Variants in RALGAPA1 observed in about 807,000 individuals in gnomAD.
RALGAPA1 encodes the protein Ral GTPase activating protein catalytic subunit alpha 1, also known as ral GTPase-activating protein subunit alpha-1.
RALGAPA1 carries 52 observed loss-of-function variants against 269.6 expected under a neutral mutation model. The observed-to-expected ratio is 0.19, with a 90% CI of 0.15 to 0.24. The LOEUF is 0.24. Ranked by LOEUF, RALGAPA1 falls within the 10% of genes least tolerant of loss-of-function variation. The pLI is 1.00. For missense variants in RALGAPA1, 1,917 were observed against 3,013.9 expected, an observed-to-expected ratio of 0.64 and a Z score of 8.52; for synonymous variants, 817 against 1,008.3, an observed-to-expected ratio of 0.81 and a Z score of 3.60.
intron 12 of RALGAPA1, among the ~76,000 whole-genome samples, chr14:35,737,023 G>C (rs8009317): frequency 9.6e-5 from 14 of 145,968 alleles, no homozygotes; most frequent in African/African-American, 1.3e-4. Context: ...GTGACAGACC[G>C]AGGCTCCATC....
chr14:35,593,252 C>A (rs972491955), intron 37 of RALGAPA1, among the ~76,000 whole-genome samples: 1 of 151,822 alleles, frequency 6.6e-6, no homozygotes, highest in Non-Finnish European at 1.5e-5. Flanking sequence ...ATTTATGATA[C>A]CATAAACATA....
chr14:35,644,562 G>A (rs1214603364), intron 31 of RALGAPA1, among the ~76,000 whole-genome samples: 1 of 152,100 alleles, frequency 6.6e-6, no homozygotes, highest in East Asian at 1.9e-4. Context: ...GTAAAGACAA[G>A]CACTCTTAAC....
chr14:35,787,378 C>A (rs773982112), intron 1 of RALGAPA1, among the ~76,000 whole-genome samples: 12 of 152,150 alleles, frequency 7.9e-5, no homozygotes, highest in Non-Finnish European at 1.3e-4. Flanking sequence ...GGGAAGACGA[C>A]TGGGAACCTT....
At chr14:35,650,329 G>A (rs1359786031) in intron 31 of RALGAPA1, among the ~76,000 whole-genome samples, 1 of 152,052 alleles carries the variant, frequency 6.6e-6, no homozygotes, top group African/African-American at 2.4e-5. Flanking sequence ...AGGTTGCAGT[G>A]AGCCGAGACT....
intron 31 of RALGAPA1, among the ~76,000 whole-genome samples, chr14:35,647,714 A>G (rs549345880): frequency 6.6e-6 from 1 of 152,272 alleles, no homozygotes; most frequent in Non-Finnish European, 1.5e-5. Flanking sequence ...GCACTTTGGG[A>G]GGTCCAGGCA....
At chr14:35,747,126 C>A (rs1040995166) in intron 10 of RALGAPA1, among the ~76,000 whole-genome samples, 1 of 151,916 alleles carries the variant, frequency 6.6e-6, no homozygotes, top group Non-Finnish European at 1.5e-5. Flanking sequence ...CCAGCCTGGA[C>A]AACAGAGCAA....
At chr14:35,718,915 C>T (rs1036141748) in intron 16 of RALGAPA1, among the ~76,000 whole-genome samples, 1 of 151,008 alleles carries the variant, frequency 6.6e-6, no homozygotes, top group Non-Finnish European at 1.5e-5. Flanking sequence ...TCTCAGCTTA[C>T]TGCTGCCTCA....
intron 1 of RALGAPA1, among the ~76,000 whole-genome samples, chr14:35,790,179 G>A (rs1390844867): frequency 6.7e-6 from 1 of 150,312 alleles, no homozygotes; most frequent in East Asian, 2.0e-4. Flanking sequence ...CTTGAACCCT[G>A]GAGGCAGTGG....
At chr14:35,791,688 C>T (rs565455438) in intron 1 of RALGAPA1, among the ~76,000 whole-genome samples, 5 of 151,384 alleles carry the variant, frequency 3.3e-5, no homozygotes, top group East Asian at 2.0e-4. Context: ...GGGCGGATCA[C>T]GAGGTCAGGA....
chr14:35,689,334 TCTGA>T lies in RALGAPA1; in HGVS notation c.3073_3076del (p.Ser1025ThrfsTer15). The T allele has an allele frequency of 8.1e-7, 1 of 1,232,258 alleles. No individual in the cohort carries two copies. Among genetic ancestry groups the T allele is most frequent in the Non-Finnish European group, 1.0e-6 (1 of 988,060 alleles). 76.3% of individuals were successfully genotyped at this position (1,232,258 alleles called of 1,614,324 possible). A position where few individuals can be genotyped will look rare whatever the true frequency, so the allele number is the denominator to read the frequency against. On this transcript the variant is annotated frameshift_variant, in exon 18 of 42. Transcript: ENST00000680220. LOFTEE classifies it high-confidence loss of function. ...AGAAGTTTGTGTTCTAAAAAAACTG[TCTGA>T]CTGGTTAGGTGCGATATTACTCATG...
In RALGAPA1 at chr14:35,756,900, T is replaced by C. The variant is rs553369955; in HGVS notation, c.556A>G (p.Thr186Ala). 2.5e-6 allele frequency: 4 copies of C among 1,603,684 alleles called. No homozygotes were observed. The African/African-American group carries it at 4.0e-5, about 16-fold the overall frequency. The change falls in exon 7 of 42, where the codon ACT becomes GCT. Residue 186 changes from threonine (T) to alanine (A), a missense_variant. Thr to Ala is a moderately conservative substitution (Grantham distance 58, BLOSUM62 0). This residue lies in a region of RALGAPA1 where 462 missense variants were observed against 725.6 expected (regional missense o/e 0.64). Transcript: ENST00000680220. ...PPLNLQETQV[T>A]IEEITPLVPP... Reference sequence around the variant, plus strand: ...ACAAGAGGAGTGATTTCTTCTATAGTGACTTGAGCTATCCAAAGACAAAAG... The same window carrying C: ...ACAAGAGGAGTGATTTCTTCTATAGCGACTTGAGCTATCCAAAGACAAAAG...
At chr14:35,788,787 C>T (rs1232372484) in intron 1 of RALGAPA1, among the ~76,000 whole-genome samples, 1 of 152,120 alleles carries the variant, frequency 6.6e-6, no homozygotes, top group Non-Finnish European at 1.5e-5. Flanking sequence ...ACATTATGGA[C>T]CTTAGTTTAT....
chr14:35,683,108 ACTGTAGC>A (rs1203154101), intron 21 of RALGAPA1, among the ~76,000 whole-genome samples: 1 of 152,172 alleles, frequency 6.6e-6, no homozygotes, highest in African/African-American at 2.4e-5. Context: ...CAAGGGGCAA[ACTGTAGC>A]CGGAACCACA....
rs1308502161 is a variant in RALGAPA1 at position 35,734,214 on chromosome 14, C to A, written c.1587+4299G>T. Among the ~76,000 whole-genome samples, 5 of 152,056 alleles carry A rather than the reference C, an allele frequency of 3.3e-5. No homozygotes were observed. In the East Asian group the frequency reaches 9.6e-4, roughly 29 times the overall value. ...AATTAGAAAAAACAATTCTAAAATT[C>A]ATATGGAACCAAAAAAGGACCCACA... On this transcript the variant is annotated intron_variant, in intron 12 of 41. Coordinates refer to ENST00000680220, the MANE Select transcript of RALGAPA1 (RefSeq NM_001346249.2).
At chr14:35,635,739 C>A (rs972070905) in intron 31 of RALGAPA1, 141 bp from the exon 32 acceptor site, 18 of 644,714 alleles carry the variant, frequency 2.8e-5, no homozygotes, top group Admixed American at 1.6e-4. Context: ...TTACCCAGAT[C>A]TAACTGATTT....
At chr14:35,786,940 A>G (rs2075839885) in intron 1 of RALGAPA1, among the ~76,000 whole-genome samples, 1 of 152,178 alleles carries the variant, frequency 6.6e-6, no homozygotes, top group East Asian at 1.9e-4. Flanking sequence ...CCCAATCATC[A>G]TGCTTATGAA....
At chr14:35,738,756 G>C (rs112854757) in intron 11 of RALGAPA1, 106 bp from the exon 12 acceptor site, 11 of 808,232 alleles carry the variant, frequency 1.4e-5, no homozygotes, top group African/African-American at 8.6e-5. Flanking sequence ...TGCTAAACAG[G>C]TTTCTTTCTC....
intron 35 of RALGAPA1, among the ~76,000 whole-genome samples, chr14:35,621,620 A>G (rs1287449110): frequency 6.6e-6 from 1 of 152,212 alleles, no homozygotes; most frequent in East Asian, 1.9e-4. Context: ...CCCTTCTGAC[A>G]AAGGGCTAAT....
At position 35,666,702 on chromosome 14, in the gene RALGAPA1, G is replaced by GTTACA. The variant is rs781270646; in HGVS notation, c.5203-1940_5203-1936dup. On this transcript the variant is annotated intron_variant, in intron 26 of 41. Transcript: ENST00000680220. The stretch of plus-strand genomic sequence containing the variant: ...CTATATTCTACATTTTCTCAAGGAT[G>GTTACA]TTACATAATGCATAGTATTAGATAC... 2.3e-4 allele frequency among the ~76,000 whole-genome samples: 35 copies of GTTACA among 152,176 alleles called. 1 individual carries two copies. Among genetic ancestry groups the GTTACA allele is most frequent in the Non-Finnish European group, 4.1e-4 (28 of 68,030 alleles).
Sources: gnomAD v4.1 joint callset for allele counts (sites outside exome capture counted in the v4.1 genomes callset) on GRCh38, gnomAD v4.1.1 for gene constraint, gnomAD v4.1.1 regional missense constraint, MANE v1.5 for transcripts, NCBI Gene and HGNC (gene_info 2026-07-23, HGNC 2026-07-21) for gene names.